The following IPO11 variants were observed in gnomAD, a reference collection of about 807,000 sequenced individuals.
IPO11 encodes the protein importin-11.
Under a neutral mutation model 143.2 loss-of-function variants are expected in IPO11, and 66 were observed. That is an observed-to-expected ratio of 0.46 (90% CI 0.38 to 0.57). The LOEUF is 0.57. IPO11 is among the 20% of genes least tolerant of loss of function. The pLI is 0.00. For synonymous variants in IPO11, 385 were observed against 377.8 expected, an observed-to-expected ratio of 1.02 and a Z score of -0.22; for missense variants, 1,026 against 1,141.0, an observed-to-expected ratio of 0.90 and a Z score of 1.45.
At chr5:62,459,342 GTCCTTCATTGACAT>G (rs1328241537) in intron 5 of IPO11, among the ~76,000 whole-genome samples, 4 of 151,928 alleles carry the variant, frequency 2.6e-5, no homozygotes, top group African/African-American at 9.7e-5. Context: ...CTTTAGGAAT[GTCCTTCATTGACAT>G]TCCTTCATTG....
intron 12 of IPO11, among the ~76,000 whole-genome samples, chr5:62,486,713 C>G (rs1275151428): frequency 2.0e-5 from 3 of 152,080 alleles, no homozygotes; most frequent in African/African-American, 4.8e-5. Flanking sequence ...GATTTTAAAA[C>G]TTTAAAAAAT....
intron 27 of IPO11, chr5:62,579,550 C>T (rs1202347370): frequency 1.9e-6 from 3 of 1,550,980 alleles, no homozygotes; most frequent in African/African-American, 2.7e-5. Context: ...TGTTTGTCAG[C>T]TCTGCACTGG....
intron 1 of IPO11, among the ~76,000 whole-genome samples, chr5:62,430,822 C>T (rs1396816151): frequency 4.0e-5 from 6 of 151,530 alleles, no homozygotes; most frequent in Non-Finnish European, 7.4e-5. Flanking sequence ...GGATTACAGG[C>T]GTGCACCATC....
At chr5:62,459,873 A>C (rs1196545539) in intron 5 of IPO11, among the ~76,000 whole-genome samples, 6 of 152,204 alleles carry the variant, frequency 3.9e-5, no homozygotes, top group African/African-American at 1.4e-4. Flanking sequence ...TAACAAAAAA[A>C]CGGATTATTA....
At chr5:62,542,432 G>C (rs1742991095) in intron 24 of IPO11, among the ~76,000 whole-genome samples, 1 of 152,026 alleles carries the variant, frequency 6.6e-6, no homozygotes, top group Non-Finnish European at 1.5e-5. Flanking sequence ...GCGTTTTCCT[G>C]TTCTTAGAGT....
At chr5:62,558,722 A>G (rs1743661923) in intron 26 of IPO11, among the ~76,000 whole-genome samples, 1 of 152,196 alleles carries the variant, frequency 6.6e-6, no homozygotes, top group Non-Finnish European at 1.5e-5. Flanking sequence ...TTTCAATACC[A>G]TTTACTGTGT....
chr5:62,615,194 T>TAA (rs1746086093), intron 29 of IPO11, among the ~76,000 whole-genome samples: 1 of 152,188 alleles, frequency 6.6e-6, no homozygotes, highest in Admixed American at 6.5e-5. Context: ...GTTTCCAGGC[T>TAA]TGAGGGTGAG....
chr5:62,587,882 G>C (rs114949474), intron 27 of IPO11, among the ~76,000 whole-genome samples: 2,166 of 152,272 alleles, frequency 0.014, 28 homozygotes, highest in Non-Finnish European at 0.024. Context: ...GCGACAATTT[G>C]AGGCCCTGAT....
chr5:62,505,834 G>A (rs1223606010), intron 18 of IPO11, among the ~76,000 whole-genome samples: 2 of 151,898 alleles, frequency 1.3e-5, no homozygotes, highest in African/African-American at 2.4e-5. Context: ...AATAATTAAC[G>A]TCTTTTTGCC....
intron 27 of IPO11, among the ~76,000 whole-genome samples, chr5:62,585,712 GA>G (rs1253266860): frequency 1.3e-5 from 2 of 152,154 alleles, no homozygotes; most frequent in Non-Finnish European, 2.9e-5. Flanking sequence ...GTCAGGAGTG[GA>G]AGTTTCCTTG....
intron 27 of IPO11, among the ~76,000 whole-genome samples, chr5:62,566,110 G>A (rs1239701069): frequency 6.6e-6 from 1 of 152,142 alleles, no homozygotes; most frequent in Non-Finnish European, 1.5e-5. Context: ...TGTCTTTATA[G>A]TAGAATGATT....
chr5:62,554,631 T>C (rs868833054), intron 26 of IPO11, among the ~76,000 whole-genome samples: 3 of 151,958 alleles, frequency 2.0e-5, no homozygotes, highest in South Asian at 4.2e-4. Flanking sequence ...TTGGTCTGTG[T>C]GTGTTTTTAT....
intron 19 of IPO11, among the ~76,000 whole-genome samples, chr5:62,507,469 C>T (rs1169643872): frequency 6.6e-6 from 1 of 152,074 alleles, no homozygotes; most frequent in Non-Finnish European, 1.5e-5. Context: ...ATTTTAAGTC[C>T]TTGCCTCTGC....
At chr5:62,592,374 G>A (rs1745054995) in intron 28 of IPO11, among the ~76,000 whole-genome samples, 1 of 151,978 alleles carries the variant, frequency 6.6e-6, no homozygotes, top group Non-Finnish European at 1.5e-5. Flanking sequence ...GAAAAATATG[G>A]ATAGCAGATA....
chr5:62,457,835 G>C (rs1354034962), intron 5 of IPO11, among the ~76,000 whole-genome samples: 1 of 151,346 alleles, frequency 6.6e-6, no homozygotes, highest in Non-Finnish European at 1.5e-5. Flanking sequence ...GATATTTACA[G>C]TGCTGTAAAA....
At chr5:62,519,805 A>T (rs1039565477) in intron 20 of IPO11, among the ~76,000 whole-genome samples, 5 of 152,222 alleles carry the variant, frequency 3.3e-5, no homozygotes, top group African/African-American at 9.6e-5. Context: ...GCCAGAATAA[A>T]TTCTTCGCTG....
At chr5:62,524,950 CT>C (rs1742320112) in intron 20 of IPO11, among the ~76,000 whole-genome samples, 1 of 152,050 alleles carries the variant, frequency 6.6e-6, no homozygotes, top group Non-Finnish European at 1.5e-5. Context: ...TACAGATTGA[CT>C]TTTTACCCGT....
chr5:62,508,552 T>TTTCTTCTTTC (rs960067402), intron 19 of IPO11, among the ~76,000 whole-genome samples: 1 of 152,020 alleles, frequency 6.6e-6, no homozygotes, highest in Non-Finnish European at 1.5e-5. Context: ...TCCTTCTTTC[T>TTTCTTCTTTC]TTCTTCTTTC....
chr5:62,470,327 T>C lies in IPO11; in HGVS notation c.708+19T>C. The C allele has an allele frequency of 6.2e-7, 1 of 1,609,944 alleles. No homozygotes were observed. The highest frequency in any genetic ancestry group is 8.5e-7 in the Non-Finnish European group (1 of 1,176,452). ...GGTGATGGTAAGTGATCGAAGAAATTTGCTGTGACTTTGGGAAAGTGGTAT... is the reference window on the plus strand; with the variant it reads ...GGTGATGGTAAGTGATCGAAGAAATCTGCTGTGACTTTGGGAAAGTGGTAT... On this transcript the variant is annotated intron_variant, in intron 7 of 29. Coordinates refer to ENST00000325324, the MANE Select transcript of IPO11 (RefSeq NM_016338.5).
Sources: allele counts gnomAD v4.1 joint callset (sites outside exome capture counted in the v4.1 genomes callset), GRCh38; gene constraint gnomAD v4.1.1; transcripts MANE v1.5; gene names NCBI Gene and HGNC (gene_info 2026-07-23, HGNC 2026-07-21).